Variants in SETX observed in about 807,000 individuals in gnomAD.
The protein encoded by SETX is senataxin, also known as helicase senataxin.
In SETX, 90 loss-of-function variants were observed where a neutral mutation model predicts 227.2. That is an observed-to-expected ratio of 0.40 (90% CI 0.33 to 0.47). SETX has a LOEUF of 0.47. Among genes scored for constraint, SETX ranks in the 20% least tolerant of loss-of-function variants. The pLI is 0.91. For synonymous variants in SETX, 1,210 were observed against 1,113.2 expected, an observed-to-expected ratio of 1.09 and a Z score of -1.73; for missense variants, 3,052 against 3,181.5, an observed-to-expected ratio of 0.96 and a Z score of 0.98.
chr9:132,261,930 C>G lies in SETX; in HGVS notation c.*2309G>C, dbSNP rs1288792852. On this transcript the variant is annotated 3_prime_UTR_variant, in exon 26 of 26. Coordinates refer to ENST00000224140, the MANE Select transcript of SETX (RefSeq NM_015046.7). ...ACCTTGTAAAAAGAATAGCCCTGTT[C>G]AACAACGCTGCGCTGACAGCCACAT... 1 of 154,378 alleles carries G rather than the reference C, an allele frequency of 6.5e-6. No individual in the cohort carries two copies. Among genetic ancestry groups the G allele is most frequent in the Non-Finnish European group, 1.5e-5 (1 of 68,228 alleles). The allele number at this position is 154,378 out of a possible 1,614,324, so 9.6% of individuals were successfully genotyped here.
chr9:132,353,017 G>A (rs776217626), intron 2 of SETX, among the ~76,000 whole-genome samples: 23 of 152,046 alleles, frequency 1.5e-4, no homozygotes, highest in Non-Finnish European at 3.2e-4. Flanking sequence ...CATTTGCCTG[G>A]ATTACTGAAG....
intron 5 of SETX, 59 bp from the exon 6 acceptor site, chr9:132,336,574 A>G: frequency 8.2e-7 from 1 of 1,221,554 alleles, no homozygotes; most frequent in South Asian, 1.2e-5. Flanking sequence ...AAACAGCAAG[A>G]ACACAGAAAA....
In SETX at chr9:132,298,059, G is replaced by T. The variant is rs769034881; in HGVS notation, c.5781+21C>A. 11 of 1,544,690 alleles carry T rather than the reference G, an allele frequency of 7.1e-6. No homozygotes were observed. The East Asian group carries it at 2.4e-4, about 33-fold the overall frequency. Reference sequence around the variant, plus strand: ...TAACATCTTAACATGAAATTATCTAGTATCATACATCATCACTCACAATTC... The same window carrying T: ...TAACATCTTAACATGAAATTATCTATTATCATACATCATCACTCACAATTC... On this transcript the variant is annotated intron_variant, in intron 13 of 25. Coordinates refer to ENST00000224140, the MANE Select transcript of SETX (RefSeq NM_015046.7).
chr9:132,326,107 G>A (rs1211016831), intron 10 of SETX, among the ~76,000 whole-genome samples: 21 of 151,506 alleles, frequency 1.4e-4, no homozygotes, highest in Admixed American at 1.4e-3. Context: ...TCACTCTGCC[G>A]CCCAGGTTGG....
At chr9:132,354,596 A>T (rs1001413148) in intron 1 of SETX, among the ~76,000 whole-genome samples, 1 of 151,542 alleles carries the variant, frequency 6.6e-6, no homozygotes, top group Non-Finnish European at 1.5e-5. Context: ...CCACCCCGAG[A>T]CCTCCCGCTC....
intron 6 of SETX, 79 bp downstream of exon 6, chr9:132,336,216 CT>C: frequency 8.7e-7 from 1 of 1,151,680 alleles, no homozygotes; most frequent in Non-Finnish European, 1.2e-6. Context: ...GCACTCCAGC[CT>C]GGGCAACAGA....
rs1016036061 is a variant in SETX, at chr9:132,282,037, A to C, written c.6547-463T>G. ...CCGTCTCTAAAAAAAAAAAAAAAAA[A>C]AGCAAGACTCCGTCTCAAAAAAAAC... On this transcript the variant is annotated intron_variant, in intron 19 of 25. Transcript: ENST00000224140. 3.0e-3 allele frequency among the ~76,000 whole-genome samples: 458 copies of C among 151,134 alleles called. 2 individuals are homozygous for C. The highest frequency in any genetic ancestry group is 0.01 in the African/African-American group (431 of 41,248).
chr9:132,354,369 G>T (rs529077456), intron 1 of SETX, among the ~76,000 whole-genome samples: 11 of 151,884 alleles, frequency 7.2e-5, no homozygotes, highest in Admixed American at 7.2e-4. Flanking sequence ...GGTGACGCGC[G>T]CCTATGGTCC....
In SETX at chr9:132,286,701, GCTGT is replaced by G. The variant is rs113847801; in HGVS notation, c.6325-211_6325-208del. Among the ~76,000 whole-genome samples, 1,149 of 152,348 alleles carry G rather than the reference GCTGT, an allele frequency of 7.5e-3. 16 individuals carry two copies. Among genetic ancestry groups the G allele is most frequent in the African/African-American group, 0.026 (1,083 of 41,572 alleles). ...GCTGTGTTCTGTGCGCTGCACGTGA[GCTGT>G]CTGCTTAGCATTCCAGCACTGGGAG... On this transcript the variant is annotated intron_variant, in intron 17 of 25. Coordinates refer to ENST00000224140, the MANE Select transcript of SETX (RefSeq NM_015046.7).
At chr9:132,332,686 C>T (rs1847314941) in intron 7 of SETX, among the ~76,000 whole-genome samples, 1 of 152,134 alleles carries the variant, frequency 6.6e-6, no homozygotes, top group African/African-American at 2.4e-5. Context: ...CTTTGGGAGG[C>T]CGAGGCAGGA....
intron 10 of SETX, among the ~76,000 whole-genome samples, chr9:132,326,065 CT>C (rs1245990602): frequency 2.6e-5 from 4 of 150,976 alleles, no homozygotes; most frequent in Non-Finnish European, 5.9e-5. Flanking sequence ...TTTAACTATA[CT>C]TTTTTTTGTT....
In SETX at chr9:132,327,306, G is replaced by A. The variant is rs1846871537; in HGVS notation, c.4292C>T (p.Pro1431Leu). 1 of 1,614,174 alleles carries A rather than the reference G, an allele frequency of 6.2e-7. No homozygotes were observed. The highest frequency in any genetic ancestry group is 8.5e-7 in the Non-Finnish European group (1 of 1,180,036). ...CAAAGGGCAAGCATCATCAGTTGCT[G>A]GAGACCCATGTTTTGCTTTTATGGT... ...PETIKAKHGS[P>L]ATDDACPLNQ... is the part of the protein sequence containing the mutation. The change falls in exon 10 of 26, where the codon CCA (proline) becomes CTA (leucine). Residue 1431 changes from proline (P) to leucine (L), a missense_variant. This residue lies in a region of SETX where 1,483 missense variants were observed against 1,312.0 expected (regional missense o/e 1.13). Coordinates refer to ENST00000224140, the MANE Select transcript of SETX (RefSeq NM_015046.7).
intron 10 of SETX, among the ~76,000 whole-genome samples, chr9:132,325,909 G>C (rs910802591): frequency 6.7e-6 from 1 of 148,600 alleles, no homozygotes; most frequent in African/African-American, 2.5e-5. Flanking sequence ...CTCCAGCCTG[G>C]GCAGCAAGAG....
At position 132,336,498 on chromosome 9, in the gene SETX, G is replaced by C. The variant is rs748037460; in HGVS notation, c.516C>G (p.Ile172Met). Reference sequence around the variant, plus strand: ...CTTTCCCCAAGTTTCTTGCAGTCAAGATAGCCCAACGCCGAACCTAAATGC... The same window carrying C: ...CTTTCCCCAAGTTTCTTGCAGTCAACATAGCCCAACGCCGAACCTAAATGC... ...HPNEMVRRWA[I>M]LTARNLGKVD... is the part of the protein sequence containing the mutation. Residue 172 changes from isoleucine (I) to methionine (M), a missense_variant, in exon 6 of 26, where the codon ATC (isoleucine) becomes ATG (methionine). Around this residue, in one of 10 missense-constraint regions of SETX, gnomAD observed 239 missense variants for 240.8 expected, o/e 0.99. Transcript: ENST00000224140. 6.2e-7 allele frequency: 1 copy of C among 1,613,692 alleles called. No individual in the cohort carries two copies. The highest frequency in any genetic ancestry group is 1.1e-5 in the South Asian group (1 of 91,082).
At chr9:132,273,041 T>C (rs891405331) in intron 23 of SETX, among the ~76,000 whole-genome samples, 4 of 152,110 alleles carry the variant, frequency 2.6e-5, no homozygotes, top group Non-Finnish European at 5.9e-5. Flanking sequence ...GAGAACAGCC[T>C]GGGCAACTTA....
At chr9:132,284,901 CG>C (rs1843754237) in intron 18 of SETX, among the ~76,000 whole-genome samples, 1 of 149,138 alleles carries the variant, frequency 6.7e-6, no homozygotes, top group African/African-American at 2.5e-5. Context: ...TTTTTTGAGA[CG>C]GAGTCTCGCT....
intron 11 of SETX, among the ~76,000 whole-genome samples, chr9:132,309,606 T>C (rs1196181511): frequency 2.6e-5 from 4 of 151,886 alleles, no homozygotes; most frequent in Non-Finnish European, 2.9e-5. Context: ...AGAAGGCTGA[T>C]GACACAGGAG....
intron 17 of SETX, among the ~76,000 whole-genome samples, chr9:132,287,951 A>G (rs567235502): frequency 2.0e-5 from 3 of 152,322 alleles, no homozygotes; most frequent in African/African-American, 7.2e-5. Flanking sequence ...AGGTGGGCAG[A>G]TCAACTTGAG....
chr9:132,276,675 A>G (rs1487453112), intron 22 of SETX, among the ~76,000 whole-genome samples: 2 of 152,172 alleles, frequency 1.3e-5, no homozygotes, highest in Non-Finnish European at 2.9e-5. Context: ...AACCTCTGTC[A>G]CTACTTCCTT....
Sources: gnomAD v4.1 joint callset for allele counts (sites outside exome capture counted in the v4.1 genomes callset) on GRCh38, gnomAD v4.1.1 for gene constraint, gnomAD v4.1.1 regional missense constraint, MANE v1.5 for transcripts, NCBI Gene and HGNC (gene_info 2026-07-23, HGNC 2026-07-21) for gene names.